The following PTPRN2 variants were observed in gnomAD, a reference collection of about 807,000 sequenced individuals.
PTPRN2 encodes the protein protein tyrosine phosphatase receptor type N2.
Under a neutral mutation model 118.8 loss-of-function variants are expected in PTPRN2, and 74 were observed. The observed-to-expected ratio is 0.62, with a 90% confidence interval of 0.52 to 0.76. PTPRN2 has a LOEUF of 0.76. PTPRN2 is among the 30% of genes least tolerant of loss of function. PTPRN2 has a pLI of 0.00. For synonymous variants in PTPRN2, 641 were observed against 608.0 expected (o/e 1.05, Z -0.80); for missense variants, 1,481 against 1,394.4 (o/e 1.06, Z -0.99).
intron 3 of PTPRN2, among the ~76,000 whole-genome samples, chr7:158,270,905 ACCCCC>A: frequency 2.6e-4 from 1 of 3,804 alleles, no homozygotes; most frequent in Non-Finnish European, 4.4e-4. Context: ...CACCTGGACC[ACCCCC>A]CCCACCTGGA....
chr7:157,737,622 C>G (rs1800379867), intron 12 of PTPRN2, among the ~76,000 whole-genome samples: 3 of 152,268 alleles, frequency 2.0e-5, no homozygotes, highest in Non-Finnish European at 4.4e-5. Context: ...ACTCACGGTC[C>G]TGAGTTGAGC....
At chr7:158,246,737 G>A (rs1366488259) in intron 3 of PTPRN2, among the ~76,000 whole-genome samples, 1 of 152,022 alleles carries the variant, frequency 6.6e-6, no homozygotes. Context: ...GGGCTCTGAT[G>A]ACAGCAACGA....
At chr7:158,138,230 CA>C in intron 7 of PTPRN2, 63 bp downstream of exon 7, 1 of 1,465,946 alleles carries the variant, frequency 6.8e-7, no homozygotes, top group Non-Finnish European at 9.4e-7. Context: ...AGTCTCTGCA[CA>C]GCCCTGAGGC....
chr7:158,423,304 G>A lies in PTPRN2; in HGVS notation c.163+66431C>T, dbSNP rs551941093. Among the ~76,000 whole-genome samples the A allele has an allele frequency of 5.0e-4, 76 of 152,316 alleles. 1 individual carries two copies. The highest frequency in any genetic ancestry group is 4.8e-3 in the Admixed American group (73 of 15,304). ...GCACGGCAGTGAAGGAAGTGGATTT[G>A]GGGGGCTTCCCTCCACCCACAGTAA... On this transcript the variant is annotated intron_variant, in intron 2 of 22. Transcript: ENST00000389418.
chr7:157,929,432 C>G lies in PTPRN2; in HGVS notation c.1724-30695G>C, dbSNP rs1200776856. Among the ~76,000 whole-genome samples the G allele has an allele frequency of 1.3e-5, 2 of 152,090 alleles. No individual in the cohort carries two copies. The highest frequency in any genetic ancestry group is 2.9e-5 in the Non-Finnish European group (2 of 68,024). ...TGAGGGCTTCAGTCCTCGGTTTGTTCCTTTTAGGAGGAAGCCACCGGATCG... is the reference window on the plus strand; with the variant it reads ...TGAGGGCTTCAGTCCTCGGTTTGTTGCTTTTAGGAGGAAGCCACCGGATCG... On this transcript the variant is annotated intron_variant, in intron 11 of 22. Transcript: ENST00000389418. This position sits in a 1 kb window ranked among gnomAD's most constrained non-coding sequence, Gnocchi z 4.4.
intron 11 of PTPRN2, among the ~76,000 whole-genome samples, chr7:158,074,159 C>T (rs535249837): frequency 1.5e-4 from 23 of 152,282 alleles, no homozygotes; most frequent in South Asian, 1.2e-3. Flanking sequence ...GCTCCATGAC[C>T]GTCACACCGT....
intron 11 of PTPRN2, among the ~76,000 whole-genome samples, chr7:157,909,915 T>A (rs192455126): frequency 1.3e-5 from 2 of 152,232 alleles, no homozygotes; most frequent in Non-Finnish European, 2.9e-5. Flanking sequence ...ATAGGAAGCA[T>A]GAGCAAATTA....
At chr7:157,967,454 T>C (rs1396602111) in intron 11 of PTPRN2, among the ~76,000 whole-genome samples, 1 of 152,204 alleles carries the variant, frequency 6.6e-6, no homozygotes, top group African/African-American at 2.4e-5. Flanking sequence ...AGGTAGAGAC[T>C]CTGTGTGGCA....
intron 12 of PTPRN2, among the ~76,000 whole-genome samples, chr7:157,776,118 T>C (rs1803204542): frequency 8.2e-6 from 1 of 121,320 alleles, no homozygotes; most frequent in Non-Finnish European, 1.7e-5. Flanking sequence ...TCCTCTCCTT[T>C]TTCACCTCCT....
chr7:158,448,489 G>A (rs914361955), intron 2 of PTPRN2, among the ~76,000 whole-genome samples: 13 of 152,112 alleles, frequency 8.5e-5, no homozygotes, highest in Admixed American at 7.8e-4. Context: ...CTGCAGTGCA[G>A]GAGGGTGGGG....
intron 17 of PTPRN2, 144 bp from the exon 18 acceptor site, chr7:157,578,284 A>T (rs971729486): frequency 2.0e-6 from 2 of 1,013,358 alleles, no homozygotes; most frequent in Non-Finnish European, 2.8e-6. Flanking sequence ...TTTACTCCGC[A>T]GCTGCCTGAG....
intron 3 of PTPRN2, among the ~76,000 whole-genome samples, chr7:158,289,035 G>A (rs1416927309): frequency 6.6e-6 from 1 of 152,076 alleles, no homozygotes; most frequent in African/African-American, 2.4e-5. Context: ...TGAGAAGTCT[G>A]CTATAAACCT....
chr7:158,057,616 C>A (rs1365357007), intron 11 of PTPRN2, among the ~76,000 whole-genome samples: 1 of 152,204 alleles, frequency 6.6e-6, no homozygotes, highest in Admixed American at 6.5e-5. Context: ...CTGCCCTCCC[C>A]TCCTGAGCAA....
chr7:157,656,357 C>G lies in PTPRN2; in HGVS notation c.2196G>C (p.Leu732=). Residue 732 remains leucine, a splice_region_variant and synonymous_variant, in exon 14 of 23, where the codon CTG becomes CTC. Coordinates refer to ENST00000389418, the MANE Select transcript of PTPRN2 (RefSeq NM_002847.5). The part of the protein sequence containing the change: ...NMDISTGHMI[L]SYMEDHLKNK... ...CAGGGAGTGCAAAGACTGGGCTTACCAGGATCATGTGGCCGGTGGAGATGT... is the reference window on the plus strand; with the variant it reads ...CAGGGAGTGCAAAGACTGGGCTTACGAGGATCATGTGGCCGGTGGAGATGT... The G allele has an allele frequency of 1.3e-6, 2 of 1,548,290 alleles. No homozygotes were observed. Among genetic ancestry groups the G allele is most frequent in the Non-Finnish European group, 1.7e-6 (2 of 1,144,672 alleles).
intron 2 of PTPRN2, among the ~76,000 whole-genome samples, chr7:158,389,210 T>G (rs2151374724): frequency 6.6e-6 from 1 of 152,364 alleles, no homozygotes; most frequent in Non-Finnish European, 1.5e-5. Flanking sequence ...CACACTTCAG[T>G]GAGTGATTCC....
chr7:157,801,032 CACATATATAT>C lies in PTPRN2; in HGVS notation c.1788+97631_1788+97640del, dbSNP rs1321178753. Among the ~76,000 whole-genome samples the C allele has an allele frequency of 6.7e-6, 1 of 148,378 alleles. No individual in the cohort carries two copies. Among genetic ancestry groups the C allele is most frequent in the Non-Finnish European group, 1.5e-5 (1 of 66,840 alleles). ...ATACATATACACACACATATATATACACATATATATACACATATATACACATATATATACA... is the reference window on the plus strand; with the variant it reads ...ATACATATACACACACATATATATACACACATATATACACATATATATACA... On this transcript the variant is annotated intron_variant, in intron 12 of 22. Coordinates refer to ENST00000389418, the MANE Select transcript of PTPRN2 (RefSeq NM_002847.5). This position sits in a 1 kb window ranked among gnomAD's most constrained non-coding sequence, Gnocchi z 4.2.
At chr7:158,583,474 C>A (rs765945299) in intron 1 of PTPRN2, among the ~76,000 whole-genome samples, 1 of 151,942 alleles carries the variant, frequency 6.6e-6, no homozygotes, top group Non-Finnish European at 1.5e-5. Flanking sequence ...CCCACCCCCA[C>A]CTCCCCTCCC....
At chr7:157,759,182 G>A (rs114625134) in intron 12 of PTPRN2, among the ~76,000 whole-genome samples, 1,936 of 152,352 alleles carry the variant, frequency 0.013, 43 homozygotes, top group African/African-American at 0.044. Flanking sequence ...GAGCATCGGT[G>A]CCTGGGCGCC....
chr7:158,267,293 C>A (rs1000455924), intron 3 of PTPRN2, among the ~76,000 whole-genome samples: 2 of 150,924 alleles, frequency 1.3e-5, no homozygotes, highest in Admixed American at 6.6e-5. Flanking sequence ...CCGGCTGGCC[C>A]GGCAGAGCTG....
Sources: allele counts gnomAD v4.1 joint callset (sites outside exome capture counted in the v4.1 genomes callset), GRCh38; gene constraint gnomAD v4.1.1; non-coding constraint Gnocchi (gnomAD v3.1); transcripts MANE v1.5; gene names NCBI Gene and HGNC (gene_info 2026-07-23, HGNC 2026-07-21).